RGS7: variants seen among roughly 807,000 people sequenced by gnomAD.
RGS7 encodes regulator of G protein signaling 7.
A neutral mutation model predicts 81.1 loss-of-function variants in RGS7; 27 were observed. That is an observed-to-expected ratio of 0.33 (90% CI 0.25 to 0.46). The LOEUF is 0.46. RGS7 is among the 20% of genes least tolerant of loss of function. The pLI is 1.00. For missense variants in RGS7, 396 were observed against 607.4 expected (o/e 0.65, Z 3.66); for synonymous variants, 208 against 207.7 (o/e 1.00, Z -0.01).
intron 2 of RGS7, among the ~76,000 whole-genome samples, chr1:241,289,667 T>C (rs1360182797): frequency 6.6e-6 from 1 of 152,186 alleles, no homozygotes; most frequent in Non-Finnish European, 1.5e-5. Flanking sequence ...CTACAAGGTA[T>C]ATTTAGAAAG....
At chr1:240,874,643 C>T (rs777869998) in intron 6 of RGS7, among the ~76,000 whole-genome samples, 7 of 152,028 alleles carry the variant, frequency 4.6e-5, no homozygotes, top group South Asian at 2.1e-4. Flanking sequence ...TATTGTGCTA[C>T]GTGATGTTTT....
intron 2 of RGS7, among the ~76,000 whole-genome samples, chr1:241,146,807 A>G (rs2068343943): frequency 6.6e-6 from 1 of 152,200 alleles, no homozygotes; most frequent in African/African-American, 2.4e-5. Context: ...GTCCAAGATC[A>G]AGGTGACAGT....
chr1:241,104,213 C>A (rs1199679997), intron 2 of RGS7, among the ~76,000 whole-genome samples: 2 of 152,178 alleles, frequency 1.3e-5, no homozygotes, highest in African/African-American at 4.8e-5. Flanking sequence ...ACATAATTTT[C>A]TTCCTTCATC....
At position 240,998,638 on chromosome 1, in the gene RGS7, T is replaced by C; in HGVS notation, c.176-15509A>G. The C allele has an allele frequency of 4.0e-6, 4 of 987,970 alleles. No individual in the cohort carries two copies. In the South Asian group the frequency reaches 5.1e-5, roughly 13 times the overall value. The allele number at this position is 987,970 out of a possible 1,614,324, so 61.2% of individuals were successfully genotyped here. On this transcript the variant is annotated intron_variant, in intron 3 of 18. Transcript: ENST00000440928. ...GCAGAGGAGGCTCCCCATGTTGACT[T>C]TGGCCAGGCCTTTGCAAACAAGCCA...
intron 4 of RGS7, among the ~76,000 whole-genome samples, chr1:240,974,341 T>G (rs148579551): frequency 4.6e-5 from 7 of 152,326 alleles, no homozygotes; most frequent in African/African-American, 1.7e-4. Context: ...GGGTTTTGTT[T>G]AGATAAAAAA....
intron 4 of RGS7, among the ~76,000 whole-genome samples, chr1:240,977,570 T>C (rs1422397670): frequency 2.6e-5 from 4 of 152,238 alleles, no homozygotes; most frequent in Non-Finnish European, 5.9e-5. Context: ...AAAATCTGCA[T>C]TGGCACTATA....
At chr1:241,072,964 C>A (rs143760022) in intron 3 of RGS7, among the ~76,000 whole-genome samples, 2 of 152,050 alleles carry the variant, frequency 1.3e-5, no homozygotes, top group Non-Finnish European at 2.9e-5. Flanking sequence ...TAGGGGAAGA[C>A]CCTGGAGATC....
intron 2 of RGS7, among the ~76,000 whole-genome samples, chr1:241,227,310 G>A (rs182103490): frequency 2.6e-5 from 4 of 152,204 alleles, no homozygotes; most frequent in African/African-American, 7.2e-5. Context: ...ACAAAGGCTG[G>A]GAGTGCTGAA....
intron 3 of RGS7, among the ~76,000 whole-genome samples, chr1:241,093,416 C>T (rs1281757067): frequency 6.6e-6 from 1 of 152,064 alleles, no homozygotes; most frequent in Admixed American, 6.6e-5. Flanking sequence ...AATCTATTTC[C>T]CCAGCAACGG....
intron 3 of RGS7, among the ~76,000 whole-genome samples, chr1:241,039,332 T>C (rs2060487442): frequency 6.6e-6 from 1 of 151,954 alleles, no homozygotes; most frequent in South Asian, 2.1e-4. Flanking sequence ...CTGGTCCTTC[T>C]GTTCATAGAT....
intron 9 of RGS7, among the ~76,000 whole-genome samples, chr1:240,830,282 T>A (rs1221850077): frequency 6.6e-6 from 1 of 152,202 alleles, no homozygotes. Context: ...AGCCTGAAGT[T>A]GGGACAAAGG....
chr1:241,256,307 A>T (rs2077049694), intron 2 of RGS7, among the ~76,000 whole-genome samples: 1 of 152,156 alleles, frequency 6.6e-6, no homozygotes, highest in Non-Finnish European at 1.5e-5. Flanking sequence ...ATCTTTTTGG[A>T]AATTATTAAA....
intron 2 of RGS7, among the ~76,000 whole-genome samples, chr1:241,187,619 AGGT>A (rs1305810897): frequency 6.6e-6 from 1 of 152,222 alleles, no homozygotes; most frequent in African/African-American, 2.4e-5. Context: ...AGCTCAATAA[AGGT>A]GGAATGCCAA....
intron 3 of RGS7, among the ~76,000 whole-genome samples, chr1:241,023,502 T>C (rs1279033442): frequency 2.0e-5 from 3 of 152,184 alleles, no homozygotes; most frequent in Non-Finnish European, 2.9e-5. Flanking sequence ...CTACCTCCTG[T>C]CACAAAGATA....
chr1:241,167,143 G>A (rs144279166), intron 2 of RGS7, among the ~76,000 whole-genome samples: 7 of 152,294 alleles, frequency 4.6e-5, no homozygotes, highest in South Asian at 4.1e-4. Context: ...GGGAGAGGAC[G>A]TGAATGACAC....
At chr1:241,228,536 C>G (rs1299760969) in intron 2 of RGS7, among the ~76,000 whole-genome samples, 1 of 152,140 alleles carries the variant, frequency 6.6e-6, no homozygotes, top group East Asian at 1.9e-4. Context: ...ATAAACCCAA[C>G]TAGATGATAG....
chr1:241,187,135 A>AT lies in RGS7; in HGVS notation c.79-88374dup, dbSNP rs1553278163. 2.4e-4 allele frequency among the ~76,000 whole-genome samples: 36 copies of AT among 151,848 alleles called. 1 individual carries two copies. Among genetic ancestry groups the AT allele is most frequent in the Admixed American group, 1.2e-3 (18 of 15,236 alleles). ...AAAGGACCCAGTATAAACCTCTGTGATTTTTTTTTAAAGAAGGCAAAAAAG... is the reference window on the plus strand; with the variant it reads ...AAAGGACCCAGTATAAACCTCTGTGATTTTTTTTTTAAAGAAGGCAAAAAAG... On this transcript the variant is annotated intron_variant, in intron 2 of 18. Coordinates refer to ENST00000440928, the MANE Select transcript of RGS7 (RefSeq NM_001364886.1).
At chr1:240,887,106 T>C (rs1410120930) in intron 6 of RGS7, among the ~76,000 whole-genome samples, 1 of 152,176 alleles carries the variant, frequency 6.6e-6, no homozygotes, top group Non-Finnish European at 1.5e-5. Flanking sequence ...GAAAGTAATG[T>C]ATGGAATTAC....
intron 2 of RGS7, among the ~76,000 whole-genome samples, chr1:241,284,415 G>C (rs1039592588): frequency 6.6e-6 from 1 of 151,952 alleles, no homozygotes; most frequent in African/African-American, 2.4e-5. Flanking sequence ...GGGTTGTTCT[G>C]GTTCCCTACC....
Sources: allele counts gnomAD v4.1 joint callset (sites outside exome capture counted in the v4.1 genomes callset), GRCh38; gene constraint gnomAD v4.1.1; transcripts MANE v1.5; gene names NCBI Gene and HGNC (gene_info 2026-07-23, HGNC 2026-07-21).